The following KCNH1 variants were observed in gnomAD, a reference collection of about 807,000 sequenced individuals.
KCNH1 encodes potassium voltage-gated channel subfamily H member 1.
KCNH1 carries 27 observed loss-of-function variants against 69.2 expected under a neutral mutation model. That is an observed-to-expected ratio of 0.39 (90% CI 0.29 to 0.54). The LOEUF is 0.54. Ranked by LOEUF, KCNH1 falls within the 20% of genes least tolerant of loss-of-function variation. The pLI is 0.68. For missense variants in KCNH1, 798 were observed against 1,261.6 expected (o/e 0.63, Z 5.57); for synonymous variants, 456 against 487.7 (o/e 0.93, Z 0.86).
In KCNH1 at chr1:210,807,375, C is replaced by T. The variant is rs934699274; in HGVS notation, c.1463-3209G>A. Among the ~76,000 whole-genome samples the T allele has an allele frequency of 1.4e-4, 21 of 152,122 alleles. No homozygotes were observed. In the South Asian group the frequency reaches 1.9e-3, roughly 14 times the overall value. ...ATCCCAGCACTTTGGGAGGCCAAGGCGGGCAGATCACTTGAGGCCAGGAGT... is the reference window on the plus strand; with the variant it reads ...ATCCCAGCACTTTGGGAGGCCAAGGTGGGCAGATCACTTGAGGCCAGGAGT... On this transcript the variant is annotated intron_variant, in intron 7 of 10. Coordinates refer to ENST00000271751, the MANE Select transcript of KCNH1 (RefSeq NM_172362.3).
chr1:210,856,803 A>ATATATATATAT (rs1553352204), intron 7 of KCNH1, among the ~76,000 whole-genome samples: 1 of 129,106 alleles, frequency 7.7e-6, no homozygotes, highest in Non-Finnish European at 1.6e-5. Context: ...ATTTATATTT[A>ATATATATATAT]TATATATATT....
At chr1:210,764,366 T>G (rs1683581367) in intron 10 of KCNH1, among the ~76,000 whole-genome samples, 1 of 151,856 alleles carries the variant, frequency 6.6e-6, no homozygotes, top group Non-Finnish European at 1.5e-5. Context: ...AAATTGACAA[T>G]TGGGGTCTAA....
chr1:210,702,078 A>G (rs572752297), intron 10 of KCNH1, among the ~76,000 whole-genome samples: 5 of 152,350 alleles, frequency 3.3e-5, no homozygotes, highest in Admixed American at 6.5e-5. Context: ...ATTAGCTTCT[A>G]TAAGTCAGCA....
chr1:210,782,339 A>G (rs1684002836), intron 9 of KCNH1, among the ~76,000 whole-genome samples: 1 of 152,178 alleles, frequency 6.6e-6, no homozygotes, highest in African/African-American at 2.4e-5. Context: ...CCTCAAATTT[A>G]TATGCTAAAA....
chr1:210,809,916 T>C (rs1468152843), intron 7 of KCNH1, among the ~76,000 whole-genome samples: 1 of 152,202 alleles, frequency 6.6e-6, no homozygotes, highest in Non-Finnish European at 1.5e-5. Context: ...TGAAGTCCCC[T>C]TGGCCAAGAG....
intron 10 of KCNH1, among the ~76,000 whole-genome samples, chr1:210,726,841 A>G (rs1431105217): frequency 2.0e-5 from 3 of 152,200 alleles, no homozygotes; most frequent in Non-Finnish European, 2.9e-5. Context: ...TCCTCTATTC[A>G]TTTAAAAGTG....
At chr1:211,044,506 T>C (rs1248408831) in intron 5 of KCNH1, among the ~76,000 whole-genome samples, 1 of 152,114 alleles carries the variant, frequency 6.6e-6, no homozygotes, top group Non-Finnish European at 1.5e-5. Flanking sequence ...CTTCACAATC[T>C]ATACATCTGA....
chr1:210,696,161 T>G (rs1396961993), intron 10 of KCNH1, among the ~76,000 whole-genome samples: 1 of 152,176 alleles, frequency 6.6e-6, no homozygotes, highest in East Asian at 1.9e-4. Context: ...CCCAGAAGTC[T>G]GGGGAGTAGC....
intron 5 of KCNH1, among the ~76,000 whole-genome samples, chr1:211,028,503 G>A (rs944640018): frequency 2.0e-5 from 3 of 151,882 alleles, no homozygotes; most frequent in Admixed American, 6.6e-5. Flanking sequence ...GAAATCAGTG[G>A]TCTTTGAAAA....
intron 5 of KCNH1, among the ~76,000 whole-genome samples, chr1:211,030,088 C>T (rs1484473396): frequency 1.3e-5 from 2 of 152,134 alleles, no homozygotes; most frequent in Admixed American, 6.5e-5. Context: ...CGCTCCAAAT[C>T]GTTATACAAG....
At chr1:210,799,476 T>A (rs1684387495) in intron 8 of KCNH1, among the ~76,000 whole-genome samples, 1 of 152,208 alleles carries the variant, frequency 6.6e-6, no homozygotes, top group African/African-American at 2.4e-5. Context: ...GCAGATCTCA[T>A]CTTCTGAAAA....
At chr1:210,717,631 C>T (rs1305849873) in intron 10 of KCNH1, among the ~76,000 whole-genome samples, 2 of 152,196 alleles carry the variant, frequency 1.3e-5, no homozygotes, top group African/African-American at 4.8e-5. Flanking sequence ...TTATCCCCTT[C>T]TGGTATTTCT....
intron 7 of KCNH1, among the ~76,000 whole-genome samples, chr1:210,912,991 A>C (rs1455179541): frequency 1.3e-5 from 2 of 152,208 alleles, no homozygotes; most frequent in African/African-American, 2.4e-5. Context: ...GAATAAACCC[A>C]AAATAGGGTC....
chr1:210,761,028 G>A (rs200007121), intron 10 of KCNH1, among the ~76,000 whole-genome samples: 18 of 151,724 alleles, frequency 1.2e-4, no homozygotes, highest in Middle Eastern at 3.4e-3. Flanking sequence ...CGAGGCGGGC[G>A]GATCACAAGG....
chr1:210,804,541 G>C (rs1684494807), intron 7 of KCNH1, among the ~76,000 whole-genome samples: 1 of 152,162 alleles, frequency 6.6e-6, no homozygotes, highest in African/African-American at 2.4e-5. Context: ...CCATGCCTGA[G>C]GTCACTAGTC....
chr1:211,133,803 G>C lies in KCNH1; in HGVS notation c.79+64C>G, dbSNP rs1416748888. 2.1e-6 allele frequency: 3 copies of C among 1,449,970 alleles called. No homozygotes were observed. The highest frequency in any genetic ancestry group is 2.8e-5 in the African/African-American group (2 of 70,626). 89.8% of individuals were successfully genotyped at this position (1,449,970 alleles called of 1,614,324 possible). ...TGCATCTGCTGGCTCCGAGCGGCGA[G>C]AGGTTCTGCAATAAAGGCACGGATA... On this transcript the variant is annotated intron_variant, in intron 1 of 10. Coordinates refer to ENST00000271751, the MANE Select transcript of KCNH1 (RefSeq NM_172362.3). The surrounding 1 kb of genome is among the most constrained non-coding windows in gnomAD (Gnocchi z 5.4).
At chr1:211,132,568 A>G (rs986157296) in intron 1 of KCNH1, 9 of 152,356 alleles carry the variant, frequency 5.9e-5, no homozygotes, top group Non-Finnish European at 1.0e-4. Context: ...GTTTCATTAT[A>G]AGATAAACTT....
chr1:210,784,564 T>A (rs1684055881), intron 9 of KCNH1, among the ~76,000 whole-genome samples: 3 of 152,222 alleles, frequency 2.0e-5, no homozygotes, highest in Admixed American at 2.0e-4. Context: ...AAGGAAGCAA[T>A]GGAGGTGCTG....
intron 7 of KCNH1, among the ~76,000 whole-genome samples, chr1:210,882,207 C>T (rs550443087): frequency 6.6e-6 from 1 of 152,062 alleles, no homozygotes; most frequent in Admixed American, 6.6e-5. Context: ...CAATAAAATT[C>T]TATTATAAAA....
Sources: allele counts gnomAD v4.1 joint callset (sites outside exome capture counted in the v4.1 genomes callset), GRCh38; gene constraint gnomAD v4.1.1; non-coding constraint Gnocchi (gnomAD v3.1); transcripts MANE v1.5; gene names NCBI Gene and HGNC (gene_info 2026-07-23, HGNC 2026-07-21).